FAM114A1: variants seen among roughly 807,000 people sequenced by gnomAD.
The protein encoded by FAM114A1 is family with sequence similarity 114 member A1.
FAM114A1 carries 62 observed loss-of-function variants against 64.3 expected under a neutral mutation model. The observed-to-expected ratio is 0.96, with a 90% confidence interval of 0.79 to 1.19. The LOEUF (loss-of-function observed/expected upper bound fraction) is 1.19. Among genes scored for constraint, FAM114A1 ranks in the 50% most tolerant of loss-of-function variants. FAM114A1 has a pLI of 0.00. For missense variants in FAM114A1, 645 were observed against 676.3 expected (o/e 0.95, Z 0.51); for synonymous variants, 254 against 251.1 (o/e 1.01, Z -0.11).
rs1402755993 is a variant in FAM114A1 at position 38,905,844 on chromosome 4, A to C, written c.640A>C (p.Asn214His). The change falls in exon 6 of 15, where the codon AAT becomes CAT. Residue 214 changes from asparagine to histidine, a missense_variant. Transcript: ENST00000358869. ...TCGGGGTATGCTGTCTGCCATCACC[A>C]ATGTGGTTCAAAACACAGTGAGTCG... ...ASRGMLSAITNVVQNTGKSVL... is the reference protein window; with the variant it reads ...ASRGMLSAITHVVQNTGKSVL... The C allele has an allele frequency of 6.2e-7, 1 of 1,613,018 alleles. No homozygotes were observed. The highest frequency in any genetic ancestry group is 2.2e-5 in the East Asian group (1 of 44,872).
rs144173014 is a variant in FAM114A1 at position 38,875,218 on chromosome 4, T to C, written c.-8-2853T>C. On this transcript the variant is annotated intron_variant, in intron 2 of 14. Transcript: ENST00000358869. Reference sequence around the variant, plus strand: ...TTTTCTAATTCTATGAAAAACATCATTGGTAGTTTGATAAGAATAGCATTG... The same window carrying C: ...TTTTCTAATTCTATGAAAAACATCACTGGTAGTTTGATAAGAATAGCATTG... Among the ~76,000 whole-genome samples the C allele has an allele frequency of 3.5e-4, 54 of 152,320 alleles. No individual in the cohort carries two copies. In the East Asian group the frequency reaches 9.1e-3, roughly 26 times the overall value.
Position 38,936,720 on chromosome 4 carries a change from C to G in FAM114A1, c.1536+930C>G, listed in dbSNP as rs191632008. Among the ~76,000 whole-genome samples the G allele has an allele frequency of 4.7e-3, 715 of 151,754 alleles. 15 individuals carry two copies. The South Asian group carries it at 0.054, about 11-fold the overall frequency. On this transcript the variant is annotated intron_variant, in intron 13 of 14. Coordinates refer to ENST00000358869, the MANE Select transcript of FAM114A1 (RefSeq NM_138389.4). ...GGCACACGCCACCACGCCCAGCTAA[C>G]TTATGTATTTTTAGTAGAGACGGGG...
chr4:38,932,300 TA>T lies in FAM114A1; in HGVS notation c.1392del (p.Val465Ter). 1 of 1,613,948 alleles carries T rather than the reference TA, an allele frequency of 6.2e-7. No individual in the cohort carries two copies. Among genetic ancestry groups the T allele is most frequent in the East Asian group, 2.2e-5 (1 of 44,886 alleles). On this transcript the variant is annotated frameshift_variant, in exon 12 of 15. Transcript: ENST00000358869. LOFTEE classifies it high-confidence loss of function. ...CAGCGCGCTGTATTGAGCAGCTTCATAAAGTAGCAGAATTAATTCTTCATGG... is the reference window on the plus strand; with the variant it reads ...CAGCGCGCTGTATTGAGCAGCTTCATAAGTAGCAGAATTAATTCTTCATGG... ...VTARCIEQLHKVAELILHGQE... is the reference protein window; with the variant it reads ...VTARCIEQLHXVAELILHGQE...
chr4:38,899,908 T>A (rs12642243), intron 4 of FAM114A1, among the ~76,000 whole-genome samples: 73,798 of 151,882 alleles, frequency 0.49, 18,045 homozygotes, highest in Middle Eastern at 0.63. Context: ...TTTAAAGCCA[T>A]CAGTTTTTGC....
chr4:38,929,277 C>T lies in FAM114A1; in HGVS notation c.1105C>T (p.Leu369Phe), dbSNP rs1720422727. The T allele has an allele frequency of 3.7e-6, 6 of 1,613,840 alleles. No homozygotes were observed. Among genetic ancestry groups the T allele is most frequent in the South Asian group, 1.1e-5 (1 of 91,090 alleles). The change falls in exon 10 of 15, where the codon CTT (leucine) becomes TTT (phenylalanine). Residue 369 changes from leucine (L) to phenylalanine (F), a missense_variant. Transcript: ENST00000358869. ...EEKGEEFARM[L>F]TELLFELHVA... ...AAAGGGAGAAGAATTTGCTCGCATG[C>T]TTACAGAGCTTCTCTTTGAATTACA...
chr4:38,901,824 A>G (rs559351889), intron 4 of FAM114A1, among the ~76,000 whole-genome samples: 37 of 152,310 alleles, frequency 2.4e-4, no homozygotes, highest in African/African-American at 8.9e-4. Flanking sequence ...CAGCACAGGG[A>G]TGATCCTAAA....
chr4:38,915,604 C>T (rs371820697), intron 8 of FAM114A1, among the ~76,000 whole-genome samples: 74 of 152,274 alleles, frequency 4.9e-4, no homozygotes, highest in African/African-American at 1.7e-3. Flanking sequence ...AGGGAATGCT[C>T]CCGTACACAC....
intron 4 of FAM114A1, among the ~76,000 whole-genome samples, chr4:38,901,989 C>T (rs79091166): frequency 0.016 from 2,402 of 152,244 alleles, 79 homozygotes; most frequent in African/African-American, 0.054. Flanking sequence ...TAGGAAGCTC[C>T]AAACCAAGGA....
intron 6 of FAM114A1, among the ~76,000 whole-genome samples, chr4:38,908,110 G>T (rs905826874): frequency 6.6e-6 from 1 of 152,018 alleles, no homozygotes; most frequent in Non-Finnish European, 1.5e-5. Flanking sequence ...TACCCTCCAG[G>T]GCCCTAGATT....
At chr4:38,909,087 ACT>A (rs1254228933) in intron 7 of FAM114A1, among the ~76,000 whole-genome samples, 1 of 152,158 alleles carries the variant, frequency 6.6e-6, no homozygotes, top group Non-Finnish European at 1.5e-5. Flanking sequence ...TACTAAACAC[ACT>A]CTTGTTCCTT....
intron 2 of FAM114A1, among the ~76,000 whole-genome samples, chr4:38,876,675 T>G (rs1714677798): frequency 6.6e-6 from 1 of 152,212 alleles, no homozygotes; most frequent in African/African-American, 2.4e-5. Flanking sequence ...CTTCACGGCT[T>G]TTGCCAACAC....
chr4:38,929,639 C>T (rs13124469), intron 10 of FAM114A1, among the ~76,000 whole-genome samples: 37,324 of 152,112 alleles, frequency 0.25, 5,055 homozygotes, highest in East Asian at 0.55. Flanking sequence ...TAGCCAAGTG[C>T]GGTGGCGCAT....
intron 13 of FAM114A1, among the ~76,000 whole-genome samples, chr4:38,936,954 A>G (rs1209991813): frequency 6.6e-6 from 1 of 152,202 alleles, no homozygotes; most frequent in Non-Finnish European, 1.5e-5. Context: ...AACAAGTCTG[A>G]AAGGCTCAGC....
At chr4:38,898,849 T>G (rs938266809) in intron 4 of FAM114A1, among the ~76,000 whole-genome samples, 1 of 151,514 alleles carries the variant, frequency 6.6e-6, no homozygotes, top group African/African-American at 2.4e-5. Context: ...CACAACTTTT[T>G]ATAATATCTT....
intron 2 of FAM114A1, among the ~76,000 whole-genome samples, chr4:38,874,998 T>C (rs1485537915): frequency 6.6e-6 from 1 of 152,192 alleles, no homozygotes; most frequent in Non-Finnish European, 1.5e-5. Context: ...TGTGGCTTTA[T>C]TTCAGAGTTC....
chr4:38,887,971 C>T (rs1237129871), intron 3 of FAM114A1, among the ~76,000 whole-genome samples: 1 of 152,120 alleles, frequency 6.6e-6, no homozygotes, highest in Non-Finnish European at 1.5e-5. Flanking sequence ...TCCCTGGATA[C>T]AAGTTATACG....
chr4:38,927,871 A>G (rs1720276796), intron 9 of FAM114A1, among the ~76,000 whole-genome samples: 1 of 152,060 alleles, frequency 6.6e-6, no homozygotes, highest in Non-Finnish European at 1.5e-5. Flanking sequence ...TTTAGTAGAG[A>G]CGGGGTTTCA....
At chr4:38,893,227 G>A (rs1055710080) in intron 4 of FAM114A1, among the ~76,000 whole-genome samples, 3 of 152,264 alleles carry the variant, frequency 2.0e-5, no homozygotes, top group African/African-American at 7.2e-5. Flanking sequence ...CTTGCCACTG[G>A]TGGCACTTAG....
chr4:38,869,323 G>A (rs909124668), intron 2 of FAM114A1, among the ~76,000 whole-genome samples: 2 of 152,232 alleles, frequency 1.3e-5, no homozygotes, highest in Non-Finnish European at 2.9e-5. Context: ...TAGACACTGG[G>A]TGTCTAGAGG....
Sources: allele counts gnomAD v4.1 joint callset (sites outside exome capture counted in the v4.1 genomes callset), GRCh38; gene constraint gnomAD v4.1.1; transcripts MANE v1.5; gene names NCBI Gene and HGNC (gene_info 2026-07-23, HGNC 2026-07-21).